Variants in RANBP9 observed in about 807,000 individuals in gnomAD.
RANBP9 encodes the protein ran-binding protein 9.
A neutral mutation model predicts 84.3 loss-of-function variants in RANBP9; 15 were observed. That is an observed-to-expected ratio of 0.18 (90% CI 0.12 to 0.27). The LOEUF is 0.27. RANBP9 is among the 10% of genes least tolerant of loss of function. RANBP9 has a pLI of 1.00. For synonymous variants in RANBP9, 392 were observed against 349.6 expected, an observed-to-expected ratio of 1.12 and a Z score of -1.35; for missense variants, 809 against 912.8, an observed-to-expected ratio of 0.89 and a Z score of 1.46.
intron 2 of RANBP9, among the ~76,000 whole-genome samples, chr6:13,661,479 C>T (rs1391779382): frequency 6.6e-6 from 1 of 150,810 alleles, no homozygotes; most frequent in Non-Finnish European, 1.5e-5. Flanking sequence ...TGTGACACAA[C>T]AGGCATGTGG....
At chr6:13,692,527 C>CAAAAAAAA (rs61237158) in intron 2 of RANBP9, among the ~76,000 whole-genome samples, 3 of 28,724 alleles carry the variant, frequency 1.0e-4, no homozygotes, top group African/African-American at 2.7e-4. Context: ...AACTCCGTCT[C>CAAAAAAAA]AAAAAAAAAA....
intron 13 of RANBP9, 51 bp downstream of exon 13, chr6:13,625,602 T>TA: frequency 2.9e-6 from 4 of 1,364,568 alleles, no homozygotes; most frequent in Non-Finnish European, 4.2e-6. Flanking sequence ...CACCCTCTCT[T>TA]AAATTTTCAG....
chr6:13,693,566 G>A (rs1766375429), intron 2 of RANBP9, among the ~76,000 whole-genome samples: 2 of 152,152 alleles, frequency 1.3e-5, no homozygotes, highest in African/African-American at 4.8e-5. Context: ...GGGCAACATG[G>A]TGAAACCCCG....
Position 13,634,639 on chromosome 6 carries a change from C to T in RANBP9, c.1674-87G>A, listed in dbSNP as rs770737850. 2.3e-4 allele frequency: 274 copies of T among 1,176,472 alleles called. 2 individuals carry two copies. The highest frequency in any genetic ancestry group is 1.8e-3 in the Middle Eastern group (8 of 4,500). The allele number at this position is 1,176,472 out of a possible 1,614,324, so 72.9% of individuals were successfully genotyped here. A position where few individuals can be genotyped will look rare whatever the true frequency, so the allele number is the denominator to read the frequency against. On this transcript the variant is annotated intron_variant, in intron 10 of 13. Coordinates refer to ENST00000011619, the MANE Select transcript of RANBP9 (RefSeq NM_005493.3). ...AATCACTACTGAACTACATAGCCTA[C>T]GAATAAACTAATTTCATAAGGCAAC... is the stretch of plus-strand genomic sequence containing the variant.
chr6:13,696,549 A>C (rs1016687297), intron 2 of RANBP9, among the ~76,000 whole-genome samples: 10 of 152,150 alleles, frequency 6.6e-5, no homozygotes, highest in African/African-American at 2.4e-4. Context: ...TTAATTCCAA[A>C]TTCTCCATTT....
At chr6:13,664,084 G>A (rs1765592648) in intron 2 of RANBP9, among the ~76,000 whole-genome samples, 2 of 152,046 alleles carry the variant, frequency 1.3e-5, no homozygotes, top group Admixed American at 1.3e-4. Flanking sequence ...AAATAAAGCT[G>A]GCTCTATGTA....
intron 2 of RANBP9, among the ~76,000 whole-genome samples, chr6:13,679,222 C>G (rs1765972491): frequency 6.6e-6 from 1 of 152,176 alleles, no homozygotes; most frequent in South Asian, 2.1e-4. Context: ...ATACACCAAG[C>G]TGCATCTTTC....
chr6:13,710,790 C>T, intron 1 of RANBP9, 145 bp downstream of exon 1: 1 of 865,762 alleles, frequency 1.2e-6, no homozygotes, highest in Non-Finnish European at 1.7e-6. Context: ...CCCGCGCCCA[C>T]CCGGAGCAGC....
At chr6:13,696,371 C>T (rs1757825111) in intron 2 of RANBP9, among the ~76,000 whole-genome samples, 1 of 152,308 alleles carries the variant, frequency 6.6e-6, no homozygotes, top group East Asian at 1.9e-4. Context: ...CATACAAATA[C>T]ACATTTCCCA....
At chr6:13,699,395 T>C (rs1757914500) in intron 1 of RANBP9, among the ~76,000 whole-genome samples, 1 of 152,210 alleles carries the variant, frequency 6.6e-6, no homozygotes, top group African/African-American at 2.4e-5. Flanking sequence ...AAATGCAAGA[T>C]TATAAGGTTT....
intron 7 of RANBP9, 26 bp from the exon 8 acceptor site, chr6:13,641,333 T>C: frequency 7.0e-7 from 1 of 1,429,542 alleles, no homozygotes; most frequent in Non-Finnish European, 9.7e-7. Context: ...AAGCAAACGA[T>C]TAACTTTTAC....
At chr6:13,705,406 C>CAAAAAAAAAA (rs774239782) in intron 1 of RANBP9, among the ~76,000 whole-genome samples, 4 of 26,758 alleles carry the variant, frequency 1.5e-4, no homozygotes, top group Non-Finnish European at 1.4e-4. Flanking sequence ...GATTCTGTCT[C>CAAAAAAAAAA]AAAAAAAAAA....
intron 6 of RANBP9, among the ~76,000 whole-genome samples, chr6:13,643,701 A>G (rs902456579): frequency 5.3e-5 from 8 of 152,166 alleles, no homozygotes; most frequent in Non-Finnish European, 1.0e-4. Flanking sequence ...TCAGAGCATT[A>G]AAACAGTGTG....
intron 10 of RANBP9, among the ~76,000 whole-genome samples, chr6:13,634,814 T>A (rs764908102): frequency 1.4e-4 from 21 of 152,206 alleles, no homozygotes; most frequent in Admixed American, 9.2e-4. Flanking sequence ...TTTACATCAA[T>A]ATGGAGAAAT....
rs1368107301 is a variant in RANBP9 at position 13,644,711 on chromosome 6, C to T, written c.946G>A (p.Val316Met). 6.2e-7 allele frequency: 1 copy of T among 1,600,526 alleles called. No individual in the cohort carries two copies. Among genetic ancestry groups the T allele is most frequent in the African/African-American group, 1.3e-5 (1 of 74,290 alleles). The change falls in exon 6 of 14, where the codon GTG becomes ATG. Residue 316 changes from valine to methionine, a missense_variant. By Grantham distance (21) the Val-to-Met change is conservative. This residue lies in a region of RANBP9 where 216 missense variants were observed against 329.0 expected (regional missense o/e 0.66). Coordinates refer to ENST00000011619, the MANE Select transcript of RANBP9 (RefSeq NM_005493.3). ...ACTTCTCCTGGTGTTTGAAGCCCCACAGTAGGATACAAATTTGGCTGTAAG... is the reference window on the plus strand; with the variant it reads ...ACTTCTCCTGGTGTTTGAAGCCCCATAGTAGGATACAAATTTGGCTGTAAG... ...TDLPPNLYPT[V>M]GLQTPGEVVD...
chr6:13,659,329 A>C (rs557888479), intron 2 of RANBP9, among the ~76,000 whole-genome samples: 8 of 151,608 alleles, frequency 5.3e-5, no homozygotes. Context: ...AAAAATTTCA[A>C]ACTCACATAA....
At chr6:13,628,339 T>G (rs1459090149) in intron 12 of RANBP9, among the ~76,000 whole-genome samples, 1 of 152,184 alleles carries the variant, frequency 6.6e-6, no homozygotes, top group Non-Finnish European at 1.5e-5. Flanking sequence ...AAGGCTTACA[T>G]GTAAATAAAT....
intron 8 of RANBP9, 47 bp from the exon 9 acceptor site, chr6:13,639,800 C>T (rs1441301658): frequency 6.9e-7 from 1 of 1,457,848 alleles, no homozygotes; most frequent in Admixed American, 1.9e-5. Context: ...TTCAAATGGC[C>T]TTTTATTTAA....
Position 13,693,968 on chromosome 6 carries a change from G to A in RANBP9, c.683+2817C>T, listed in dbSNP as rs560140835. Among the ~76,000 whole-genome samples the A allele has an allele frequency of 5.9e-5, 9 of 152,196 alleles. No homozygotes were observed. In the South Asian group the frequency reaches 8.3e-4, roughly 14 times the overall value. ...TGAGGCAGGAGAATTGCTTGAACCC[G>A]GGAGGCAGAGGTTGCAGTGAGCCAA... On this transcript the variant is annotated intron_variant, in intron 2 of 13. Coordinates refer to ENST00000011619, the MANE Select transcript of RANBP9 (RefSeq NM_005493.3).
Sources: gnomAD v4.1 joint callset for allele counts (sites outside exome capture counted in the v4.1 genomes callset) on GRCh38, gnomAD v4.1.1 for gene constraint, gnomAD v4.1.1 regional missense constraint, MANE v1.5 for transcripts, NCBI Gene and HGNC (gene_info 2026-07-23, HGNC 2026-07-21) for gene names.